EPB41L2: variants seen among roughly 807,000 people sequenced by gnomAD.
EPB41L2 encodes the protein erythrocyte membrane protein band 4.1 like 2, also known as band 4.1-like protein 2.
Under a neutral mutation model 113.0 loss-of-function variants are expected in EPB41L2, and 43 were observed. That is an observed-to-expected ratio of 0.38 (90% CI 0.30 to 0.49). The LOEUF (loss-of-function observed/expected upper bound fraction) is 0.49. EPB41L2 is among the 20% of genes least tolerant of loss of function. EPB41L2 has a pLI of 0.95. For missense variants in EPB41L2, 1,147 were observed against 1,223.4 expected, an observed-to-expected ratio of 0.94 and a Z score of 0.93; for synonymous variants, 442 against 436.7, an observed-to-expected ratio of 1.01 and a Z score of -0.15.
chr6:130,944,739 C>T (rs1175884550), intron 3 of EPB41L2, among the ~76,000 whole-genome samples: 1 of 152,080 alleles, frequency 6.6e-6, no homozygotes, highest in Non-Finnish European at 1.5e-5. Flanking sequence ...ACCAACTTGA[C>T]ACAAGGGAAG....
intron 11 of EPB41L2, among the ~76,000 whole-genome samples, chr6:130,887,473 T>C (rs1791427107): frequency 6.6e-6 from 1 of 152,180 alleles, no homozygotes; most frequent in African/African-American, 2.4e-5. Flanking sequence ...CTTCAATGGT[T>C]TCCTAGAGCA....
chr6:131,015,596 C>T (rs1283377816), intron 1 of EPB41L2, among the ~76,000 whole-genome samples: 1 of 152,192 alleles, frequency 6.6e-6, no homozygotes, highest in South Asian at 2.1e-4. Context: ...ACTACTGTTA[C>T]ATTTTTAAAT....
chr6:130,879,978 T>C (rs574429578), intron 13 of EPB41L2, among the ~76,000 whole-genome samples, 166 bp downstream of exon 13: 1 of 152,296 alleles, frequency 6.6e-6, no homozygotes, highest in South Asian at 2.1e-4. Flanking sequence ...CTAAGCCACT[T>C]GAAAGGAACA....
chr6:131,017,666 C>T (rs1479573240), intron 1 of EPB41L2, among the ~76,000 whole-genome samples: 1 of 152,174 alleles, frequency 6.6e-6, no homozygotes, highest in Non-Finnish European at 1.5e-5. Flanking sequence ...AGTTTCCCTT[C>T]ACCTACAGGT....
intron 1 of EPB41L2, among the ~76,000 whole-genome samples, chr6:131,003,231 T>C (rs1784739934): frequency 1.3e-5 from 2 of 152,170 alleles, no homozygotes; most frequent in Non-Finnish European, 2.9e-5. Flanking sequence ...CTTTGTGAAA[T>C]GTACAAAAAT....
chr6:130,915,855 C>T (rs1457474135), intron 4 of EPB41L2, among the ~76,000 whole-genome samples: 1 of 152,196 alleles, frequency 6.6e-6, no homozygotes, highest in Non-Finnish European at 1.5e-5. Flanking sequence ...TAAGATGTGA[C>T]TTGCTCCTCC....
intron 1 of EPB41L2, among the ~76,000 whole-genome samples, chr6:131,062,203 T>TA (rs755575477): frequency 0.05 from 7,252 of 144,144 alleles, 253 homozygotes; most frequent in African/African-American, 0.1. Flanking sequence ...TACATATATA[T>TA]AAAAAAAAAA....
intron 4 of EPB41L2, among the ~76,000 whole-genome samples, chr6:130,910,978 G>A (rs1178826466): frequency 2.6e-5 from 4 of 152,142 alleles, no homozygotes; most frequent in Non-Finnish European, 5.9e-5. Flanking sequence ...GATTCCTCAA[G>A]GCTCTAGAAC....
chr6:130,929,857 T>TCACACACACACACACACACA (rs140350248), intron 3 of EPB41L2, among the ~76,000 whole-genome samples: 5 of 123,372 alleles, frequency 4.1e-5, no homozygotes, highest in Non-Finnish European at 7.0e-5. Flanking sequence ...AGACAGACAG[T>TCACACACACACACACACACA]CACACACACA....
chr6:130,899,536 A>G lies in EPB41L2; in HGVS notation c.1191T>C (p.Asn397=), dbSNP rs1382033537. 5 of 1,614,020 alleles carry G rather than the reference A, an allele frequency of 3.1e-6. No individual in the cohort carries two copies. In the South Asian group the frequency reaches 5.5e-5, roughly 18 times the overall value. The part of the protein sequence containing the change: ...PAQADSQFLE[N]AKRLSMYGVD... ...CACCATACATGGAAAGCCTCTTTGC[A>G]TTTTCTAAGAACTGGGAATCAGCTT... The change falls in exon 8 of 20, where the codon AAT becomes AAC. Residue 397 remains asparagine (N), a synonymous_variant. Transcript: ENST00000337057.
chr6:131,022,226 C>CT (rs1789679866), intron 1 of EPB41L2, among the ~76,000 whole-genome samples: 1 of 152,116 alleles, frequency 6.6e-6, no homozygotes, highest in South Asian at 2.1e-4. Context: ...CTATGAGACT[C>CT]TAATGCCACT....
intron 10 of EPB41L2, among the ~76,000 whole-genome samples, chr6:130,892,459 C>G (rs1479840984): frequency 7.5e-6 from 1 of 132,652 alleles, no homozygotes; most frequent in Non-Finnish European, 1.6e-5. Context: ...GTCTGCCCAG[C>G]TTGGACCTGT....
At chr6:130,906,139 C>T (rs992120596) in intron 5 of EPB41L2, among the ~76,000 whole-genome samples, 6 of 152,152 alleles carry the variant, frequency 3.9e-5, no homozygotes, top group Non-Finnish European at 5.9e-5. Context: ...CTGCTAGTCT[C>T]GAATTAAGTA....
intron 8 of EPB41L2, among the ~76,000 whole-genome samples, chr6:130,895,409 G>T (rs1794340744): frequency 6.6e-6 from 1 of 152,124 alleles, no homozygotes; most frequent in African/African-American, 2.4e-5. Context: ...CTCCACTGTA[G>T]GAGCTAACAG....
intron 14 of EPB41L2, among the ~76,000 whole-genome samples, chr6:130,871,097 G>A (rs1785518856): frequency 6.6e-6 from 1 of 152,098 alleles, no homozygotes; most frequent in African/African-American, 2.4e-5. Flanking sequence ...CTTCTTGGGA[G>A]TAAAGTAATT....
intron 1 of EPB41L2, among the ~76,000 whole-genome samples, chr6:131,029,391 T>TTTTA (rs1212571779): frequency 8.4e-6 from 1 of 119,466 alleles, no homozygotes; most frequent in African/African-American, 3.3e-5. Flanking sequence ...AGCATTTGTT[T>TTTTA]AAAAAAAAAA....
Position 130,890,471 on chromosome 6 carries a change from G to A in EPB41L2, c.1488-5C>T. On this transcript the variant is annotated splice_polypyrimidine_tract_variant and splice_region_variant and intron_variant, in intron 10 of 19. Transcript: ENST00000337057. ...GGCTGCTCTGGAGAAACAAGCCTAT[G>A]GGAGGAAAAAAAAAAAAAAAGAGAG... 1 of 1,505,446 alleles carries A rather than the reference G, an allele frequency of 6.6e-7. No individual in the cohort carries two copies. The highest frequency in any genetic ancestry group is 1.2e-5 in the South Asian group (1 of 80,966). The allele number at this position is 1,505,446 out of a possible 1,614,324, so 93.3% of individuals were successfully genotyped here. A position where few individuals can be genotyped will look rare whatever the true frequency, so the allele number is the denominator to read the frequency against.
rs138024533 is a variant in EPB41L2, at chr6:131,040,236, G to C, written c.-15+22919C>G. On this transcript the variant is annotated intron_variant, in intron 1 of 19. Coordinates refer to ENST00000337057, the MANE Select transcript of EPB41L2 (RefSeq NM_001431.4). ...GCAGATCACCTGAGGCCAGGGATTCGAGACCAGCCTGGCCAACATGGCGAA... is the reference window on the plus strand; with the variant it reads ...GCAGATCACCTGAGGCCAGGGATTCCAGACCAGCCTGGCCAACATGGCGAA... Among the ~76,000 whole-genome samples the C allele has an allele frequency of 2.7e-3, 413 of 152,218 alleles. 2 individuals are homozygous for C. Among genetic ancestry groups the C allele is most frequent in the African/African-American group, 9.6e-3 (397 of 41,518 alleles).
chr6:130,867,828 G>A (rs996234537), intron 15 of EPB41L2: 1 of 423,660 alleles, frequency 2.4e-6, no homozygotes, highest in South Asian at 2.3e-5. Context: ...GTGTGTATGT[G>A]TACATACACA....
Sources: gnomAD v4.1 joint callset for allele counts (sites outside exome capture counted in the v4.1 genomes callset) on GRCh38, gnomAD v4.1.1 for gene constraint, MANE v1.5 for transcripts, NCBI Gene and HGNC (gene_info 2026-07-23, HGNC 2026-07-21) for gene names.